FNBP4: variants seen among roughly 807,000 people sequenced by gnomAD.
FNBP4 encodes formin binding protein 4.
Under a neutral mutation model 119.3 loss-of-function variants are expected in FNBP4, and 34 were observed. The ratio of observed to expected loss-of-function variants is 0.28; its 90% CI spans 0.22 to 0.38. The LOEUF is 0.38. FNBP4 is among the 10% of genes least tolerant of loss of function. The pLI is 1.00. For missense variants in FNBP4, 1,112 were observed against 1,228.9 expected (o/e 0.90, Z 1.42); for synonymous variants, 462 against 430.6 (o/e 1.07, Z -0.90).
Position 47,732,649 on chromosome 11 carries a change from C to A in FNBP4, c.1708G>T (p.Glu570Ter). Reference protein sequence around the residue: ...QTETRIADWREGALNGNYLKR... With the variant: ...QTETRIADWR ...AGGTAGTTTCCATTAAGAGCCCCTT[C>A]CCGCCAGTCTGCAATTCGAGTCTAG... Residue 570 changes from glutamate to a stop codon, truncating the protein, a stop_gained, in exon 11 of 17, where the codon GAA becomes TAA. Coordinates refer to ENST00000263773, the MANE Select transcript of FNBP4 (RefSeq NM_015308.5). LOFTEE classifies it high-confidence loss of function. This position sits in a 1 kb window ranked among gnomAD's most constrained non-coding sequence, Gnocchi z 4.2. 6.2e-7 allele frequency: 1 copy of A among 1,614,180 alleles called. No homozygotes were observed. Among genetic ancestry groups the A allele is most frequent in the Non-Finnish European group, 8.5e-7 (1 of 1,180,016 alleles).
intron 2 of FNBP4, among the ~76,000 whole-genome samples, chr11:47,755,325 T>C (rs1191223989): frequency 6.6e-6 from 1 of 150,862 alleles, no homozygotes; most frequent in Non-Finnish European, 1.5e-5. Flanking sequence ...GGCACATGCC[T>C]GTAATCCCAG....
intron 1 of FNBP4, among the ~76,000 whole-genome samples, chr11:47,766,503 G>A (rs1228748804): frequency 6.6e-6 from 1 of 152,156 alleles, no homozygotes; most frequent in East Asian, 1.9e-4. Flanking sequence ...GGCTTCTCCG[G>A]CGCCTAGTCC....
At chr11:47,739,000 T>C (rs1315295814) in intron 8 of FNBP4, among the ~76,000 whole-genome samples, 1 of 151,068 alleles carries the variant, frequency 6.6e-6, no homozygotes, top group Non-Finnish European at 1.5e-5. Flanking sequence ...GCACGGCGCC[T>C]GGCTTTTTTT....
At chr11:47,752,220 T>G (rs532748887) in intron 4 of FNBP4, among the ~76,000 whole-genome samples, 1 of 151,650 alleles carries the variant, frequency 6.6e-6, no homozygotes, top group African/African-American at 2.4e-5. Context: ...GGTCAGGAGT[T>G]CGAGACCAGC....
At chr11:47,748,164 G>A (rs902483315) in intron 6 of FNBP4, among the ~76,000 whole-genome samples, 3 of 151,740 alleles carry the variant, frequency 2.0e-5, no homozygotes, top group Admixed American at 6.6e-5. Context: ...GCTTGAACCC[G>A]GGGGGTGGAG....
chr11:47,759,565 C>T (rs553331592), intron 2 of FNBP4, among the ~76,000 whole-genome samples: 1 of 152,236 alleles, frequency 6.6e-6, no homozygotes, highest in East Asian at 1.9e-4. Context: ...AAGAGCAGAA[C>T]TACCAAAGGA....
chr11:47,728,094 T>C (rs780424286), intron 12 of FNBP4, among the ~76,000 whole-genome samples: 1 of 151,922 alleles, frequency 6.6e-6, no homozygotes, highest in African/African-American at 2.4e-5. Context: ...TAAGCTGCTC[T>C]TGAACTCCCG....
intron 1 of FNBP4, among the ~76,000 whole-genome samples, chr11:47,766,247 G>A (rs1037359724): frequency 2.6e-5 from 4 of 152,034 alleles, no homozygotes; most frequent in African/African-American, 9.7e-5. Context: ...CCGGGAGGTG[G>A]AGGTTGCAGT....
At chr11:47,743,517 A>T (rs1455211693) in intron 8 of FNBP4, among the ~76,000 whole-genome samples, 1 of 152,240 alleles carries the variant, frequency 6.6e-6, no homozygotes, top group East Asian at 1.9e-4. Context: ...ATTAGGGCCA[A>T]ATGGAGATTA....
In FNBP4 at chr11:47,744,063, A is replaced by T; in HGVS notation, c.1346T>A (p.Leu449His). 6.2e-7 allele frequency: 1 copy of T among 1,614,126 alleles called. No individual in the cohort carries two copies. Among genetic ancestry groups the T allele is most frequent in the Admixed American group, 1.7e-5 (1 of 60,008 alleles). The change falls in exon 8 of 17, where the codon CTT becomes CAT. Residue 449 changes from leucine to histidine, a missense_variant. By Grantham distance (99) the Leu-to-His change is moderately conservative (BLOSUM62 -3). Transcript: ENST00000263773. ...QPASQDGMRR[L>H]MSKRGKWKMF... ...CTTCCATTTTCCTCTTTTAGACATA[A>T]GCCTACGCATTCCATCTTGAGATGC... is the stretch of plus-strand genomic sequence containing the variant.
chr11:47,735,606 A>G (rs893802186), intron 9 of FNBP4, among the ~76,000 whole-genome samples: 1 of 152,244 alleles, frequency 6.6e-6, no homozygotes, highest in African/African-American at 2.4e-5. Context: ...CAAGAGGCTT[A>G]ATTTGAAGAA....
intron 8 of FNBP4, among the ~76,000 whole-genome samples, chr11:47,737,554 C>T (rs2097575958): frequency 6.6e-6 from 1 of 152,002 alleles, no homozygotes; most frequent in East Asian, 1.9e-4. Flanking sequence ...ATCCTCCCAC[C>T]TCAGCCTCCC....
Position 47,732,138 on chromosome 11 carries a change from CTTG to C in FNBP4, c.1820+396_1820+398del, listed in dbSNP as rs1406459686. ...TGACCTGCTGGCAGAGGATAGTAAT[CTTG>C]TTCTTCATTCACATCTTCAGCCACG... On this transcript the variant is annotated intron_variant, in intron 11 of 16. Transcript: ENST00000263773. This position sits in a 1 kb window ranked among gnomAD's most constrained non-coding sequence, Gnocchi z 4.2. 17 of 1,006,616 alleles carry C rather than the reference CTTG, an allele frequency of 1.7e-5. No individual in the cohort carries two copies. The highest frequency in any genetic ancestry group is 2.0e-5 in the Non-Finnish European group (17 of 844,006). The allele number at this position is 1,006,616 out of a possible 1,614,324, so 62.4% of individuals were successfully genotyped here.
At chr11:47,724,343 A>G (rs907559912) in intron 13 of FNBP4, 125 bp downstream of exon 13, 3 of 1,548,204 alleles carry the variant, frequency 1.9e-6, no homozygotes, top group South Asian at 1.2e-5. Context: ...CGACCTCCCA[A>G]AGGTCTAGGA....
chr11:47,750,787 GA>G (rs1298589987), intron 6 of FNBP4, 128 bp downstream of exon 6: 1 of 891,414 alleles, frequency 1.1e-6, no homozygotes, highest in Non-Finnish European at 1.6e-6. Flanking sequence ...GAAACAAAGT[GA>G]AAGTTATGAA....
chr11:47,763,646 G>A (rs1242177274), intron 2 of FNBP4, among the ~76,000 whole-genome samples: 1 of 151,768 alleles, frequency 6.6e-6, no homozygotes, highest in Non-Finnish European at 1.5e-5. Flanking sequence ...GACTACAGGC[G>A]CCCGCCACCA....
chr11:47,724,416 A>C, intron 13 of FNBP4, 52 bp downstream of exon 13: 2 of 1,612,372 alleles, frequency 1.2e-6, no homozygotes, highest in South Asian at 2.2e-5. Flanking sequence ...ACATGGTGTC[A>C]ATCATGTTCC....
At chr11:47,759,472 C>T (rs1242622152) in intron 2 of FNBP4, among the ~76,000 whole-genome samples, 3 of 151,870 alleles carry the variant, frequency 2.0e-5, no homozygotes, top group East Asian at 3.9e-4. Flanking sequence ...CCTTGGCCTC[C>T]GAAAGTGCTG....
At chr11:47,765,423 A>G (rs2097645354) in intron 1 of FNBP4, 61 bp from the exon 2 acceptor site, 4 of 1,277,900 alleles carry the variant, frequency 3.1e-6, no homozygotes, top group Non-Finnish European at 4.4e-6. Flanking sequence ...AGAAAACTGC[A>G]GTCAGATTCC....
Sources: allele counts gnomAD v4.1 joint callset (sites outside exome capture counted in the v4.1 genomes callset), GRCh38; gene constraint gnomAD v4.1.1; non-coding constraint Gnocchi (gnomAD v3.1); transcripts MANE v1.5; gene names NCBI Gene and HGNC (gene_info 2026-07-23, HGNC 2026-07-21).